The following FBLN2 variants were observed in gnomAD, a reference collection of about 807,000 sequenced individuals.
FBLN2 encodes the protein fibulin-2.
In FBLN2, 81 loss-of-function variants were observed where a neutral mutation model predicts 123.7. The ratio of observed to expected loss-of-function variants is 0.65; its 90% CI spans 0.55 to 0.79. FBLN2 has a LOEUF of 0.79. Ranked by LOEUF, FBLN2 falls within the 30% of genes least tolerant of loss-of-function variation. The probability of loss-of-function intolerance (pLI) is 0.00; values close to 1 mark genes in which losing one functional copy is unlikely to be tolerated. For synonymous variants in FBLN2, 699 were observed against 701.4 expected (o/e 1.00, Z 0.05); for missense variants, 1,603 against 1,681.3 (o/e 0.95, Z 0.81).
chr3:13,588,292 G>C, intron 2 of FBLN2, among the ~76,000 whole-genome samples: 1 of 152,244 alleles, frequency 6.6e-6, no homozygotes, highest in African/African-American at 2.4e-5. Context: ...GTGTGTAGTA[G>C]TCTATGACAC....
chr3:13,616,807 C>G (rs1705623080), intron 5 of FBLN2, among the ~76,000 whole-genome samples: 1 of 152,186 alleles, frequency 6.6e-6, no homozygotes. Flanking sequence ...CACCTGCTCC[C>G]CAGCACAACC....
intron 1 of FBLN2, among the ~76,000 whole-genome samples, chr3:13,564,654 C>T (rs748260571): frequency 3.3e-5 from 5 of 152,214 alleles, no homozygotes; most frequent in African/African-American, 4.8e-5. Context: ...GTGGGAAGAC[C>T]TTTCCTTCCT....
intron 1 of FBLN2, among the ~76,000 whole-genome samples, chr3:13,560,216 G>A (rs1175286783): frequency 6.6e-6 from 1 of 152,208 alleles, no homozygotes; most frequent in Admixed American, 6.5e-5. Flanking sequence ...AATTTAGGGA[G>A]CTTTTTATTC....
chr3:13,619,188 G>A (rs1400219559), intron 7 of FBLN2, among the ~76,000 whole-genome samples, 171 bp downstream of exon 7: 1 of 152,200 alleles, frequency 6.6e-6, no homozygotes, highest in African/African-American at 2.4e-5. Context: ...GTGAGGAGCT[G>A]AGGAAGTCAC....
intron 7 of FBLN2, 108 bp from the exon 8 acceptor site, chr3:13,619,622 C>T (rs1452526424): frequency 8.4e-6 from 7 of 835,394 alleles, no homozygotes; most frequent in South Asian, 1.6e-5. Flanking sequence ...CTTCTAGGGG[C>T]CTTGTTTCTG....
In FBLN2 at chr3:13,618,364, A is replaced by G. The variant is rs1432272118; in HGVS notation, c.1939+79A>G. 6 of 1,345,048 alleles carry G rather than the reference A, an allele frequency of 4.5e-6. No homozygotes were observed. The African/African-American group carries it at 8.6e-5, about 19-fold the overall frequency. 83.3% of individuals were successfully genotyped at this position (1,345,048 alleles called of 1,614,324 possible). On this transcript the variant is annotated intron_variant, in intron 6 of 17. Coordinates refer to ENST00000404922, the MANE Select transcript of FBLN2 (RefSeq NM_001004019.2). Reference sequence around the variant, plus strand: ...GGGGTGTGGCATTCCTGGGGTGCACACTGTGGGGTCCTTCACTTCCTGTTA... The same window carrying G: ...GGGGTGTGGCATTCCTGGGGTGCACGCTGTGGGGTCCTTCACTTCCTGTTA...
intron 2 of FBLN2, among the ~76,000 whole-genome samples, chr3:13,584,285 C>T (rs530131363): frequency 1.3e-5 from 2 of 152,342 alleles, no homozygotes; most frequent in South Asian, 2.1e-4. Flanking sequence ...TCTCCCTCTG[C>T]CACCCCTCCT....
intron 2 of FBLN2, among the ~76,000 whole-genome samples, chr3:13,606,019 C>A (rs148731314): frequency 6.6e-6 from 1 of 152,222 alleles, no homozygotes; most frequent in East Asian, 1.9e-4. Flanking sequence ...AACCCCCCTC[C>A]CCATCCCTGG....
At chr3:13,625,397 C>T (rs1389910397) in intron 9 of FBLN2, among the ~76,000 whole-genome samples, 3 of 152,174 alleles carry the variant, frequency 2.0e-5, no homozygotes, top group Admixed American at 6.5e-5. Context: ...GCCTCCTCTC[C>T]GTGTGATCTC....
At chr3:13,589,964 A>G (rs755445710) in intron 2 of FBLN2, among the ~76,000 whole-genome samples, 2 of 152,164 alleles carry the variant, frequency 1.3e-5, no homozygotes, top group Admixed American at 6.5e-5. Context: ...GCTTTTTATT[A>G]GAGTAAAATG....
At chr3:13,582,691 T>C (rs1305895866) in intron 2 of FBLN2, among the ~76,000 whole-genome samples, 1 of 152,192 alleles carries the variant, frequency 6.6e-6, no homozygotes, top group African/African-American at 2.4e-5. Context: ...AGTTTCTGCA[T>C]CTGTACAATG....
At chr3:13,594,634 G>T (rs544591378) in intron 2 of FBLN2, among the ~76,000 whole-genome samples, 4 of 152,164 alleles carry the variant, frequency 2.6e-5, no homozygotes, top group Non-Finnish European at 4.4e-5. Context: ...TCCTGGCTCC[G>T]TGGGCTCTGG....
rs1376061243 is a variant in FBLN2, at chr3:13,638,035, T to C, written c.*116T>C. 2.0e-6 allele frequency: 2 copies of C among 1,009,576 alleles called. No individual in the cohort carries two copies. Among genetic ancestry groups the C allele is most frequent in the African/African-American group, 3.3e-5 (2 of 61,314 alleles). 62.5% of individuals were successfully genotyped at this position (1,009,576 alleles called of 1,614,324 possible). ...ACTTTGTAAATTAACTTAATTTTGC[T>C]GACTTGACTCCTGTGGCTTCTGGAC... On this transcript the variant is annotated 3_prime_UTR_variant, in exon 18 of 18. Coordinates refer to ENST00000404922, the MANE Select transcript of FBLN2 (RefSeq NM_001004019.2).
At chr3:13,626,985 C>G (rs1444640492) in intron 10 of FBLN2, among the ~76,000 whole-genome samples, 1 of 152,122 alleles carries the variant, frequency 6.6e-6, no homozygotes, top group Non-Finnish European at 1.5e-5. Flanking sequence ...ACCCTTTCAA[C>G]AAGTACGTCC....
intron 1 of FBLN2, among the ~76,000 whole-genome samples, chr3:13,554,186 A>C (rs556234153): frequency 2.1e-4 from 32 of 152,360 alleles, no homozygotes; most frequent in African/African-American, 7.7e-4. Context: ...GGAGGCGGAC[A>C]GTGCTGCTGG....
intron 4 of FBLN2, among the ~76,000 whole-genome samples, chr3:13,610,746 G>C (rs1348393048): frequency 6.6e-6 from 1 of 152,096 alleles, no homozygotes; most frequent in African/African-American, 2.4e-5. Context: ...CTGCAGGCTG[G>C]AGGAAGGCAG....
rs112412824 is a variant in FBLN2 at position 13,637,690 on chromosome 3, C to T, written c.3467C>T (p.Ala1156Val). Residue 1156 changes from alanine (A) to valine (V), a missense_variant, in exon 18 of 18, where the codon GCG (alanine) becomes GTG (valine). Coordinates refer to ENST00000404922, the MANE Select transcript of FBLN2 (RefSeq NM_001004019.2). ...VPAHIFRIGP[A>V]PAFTGDTIAL... is the part of the protein sequence containing the mutation. ...GCGCATATCTTCCGCATTGGCCCCG[C>T]GCCAGCCTTCACGGGGGACACCATC... 207 of 1,613,994 alleles carry T rather than the reference C, an allele frequency of 1.3e-4. No individual in the cohort carries two copies. The African/African-American group carries it at 1.9e-3, about 15-fold the overall frequency.
rs368591685 is a variant in FBLN2, at chr3:13,626,475, C to T, written c.2327C>T (p.Thr776Met). 1.5e-4 allele frequency: 235 copies of T among 1,582,216 alleles called. No homozygotes were observed. The highest frequency in any genetic ancestry group is 1.8e-4 in the Non-Finnish European group (207 of 1,163,966). ...DINECVTDLH[T>M]CSRGEHCVNT... ...AACGAGTGTGTGACGGACCTGCACA[C>T]GTGCAGCCGGGGCGAGCACTGTGTG... Residue 776 changes from threonine to methionine, a missense_variant, in exon 10 of 18, where the codon ACG (threonine) becomes ATG (methionine). By Grantham distance (81) the Thr-to-Met change is moderately conservative. Transcript: ENST00000404922.
At chr3:13,620,018 T>C (rs1195596200) in intron 8 of FBLN2, among the ~76,000 whole-genome samples, 187 bp downstream of exon 8, 1 of 152,138 alleles carries the variant, frequency 6.6e-6, no homozygotes, top group African/African-American at 2.4e-5. Context: ...GTGCGGTGTA[T>C]ACATGCACTC....
Sources: allele counts gnomAD v4.1 joint callset (sites outside exome capture counted in the v4.1 genomes callset), GRCh38; gene constraint gnomAD v4.1.1; transcripts MANE v1.5; gene names NCBI Gene and HGNC (gene_info 2026-07-23, HGNC 2026-07-21).